Variants in UTP20 observed in about 807,000 individuals in gnomAD.
UTP20 encodes the protein UTP20 small subunit processome component, also known as small subunit processome component 20 homolog.
A neutral mutation model predicts 329.5 loss-of-function variants in UTP20; 164 were observed. The observed-to-expected ratio is 0.50, with a 90% confidence interval of 0.44 to 0.57. UTP20 has a LOEUF of 0.57. UTP20 is among the 20% of genes least tolerant of loss of function. UTP20 has a pLI of 0.00. For missense variants in UTP20, 3,055 were observed against 3,284.2 expected, an observed-to-expected ratio of 0.93 and a Z score of 1.71; for synonymous variants, 1,151 against 1,159.3, an observed-to-expected ratio of 0.99 and a Z score of 0.14.
intron 13 of UTP20, 36 bp from the exon 14 acceptor site, chr12:101,299,937 A>G: frequency 6.2e-7 from 1 of 1,612,298 alleles, no homozygotes; most frequent in Non-Finnish European, 8.5e-7. Flanking sequence ...ATTGAATGCC[A>G]GTTTGAACTT....
Position 101,363,723 on chromosome 12 carries a change from C to G in UTP20, c.5938C>G (p.Leu1980Val), listed in dbSNP as rs1415479382. Residue 1980 changes from leucine (L) to valine (V), a missense_variant, in exon 45 of 62, where the codon CTC becomes GTC. This residue lies in a region of UTP20 where 2,445 missense variants were observed against 2,575.5 expected (regional missense o/e 0.95). Transcript: ENST00000261637. Reference sequence around the variant, plus strand: ...TGTAGGAAAAGATCAGGTTACAAAACTCATCCTTCCATTAAAAGAGGTAAG... The same window carrying G: ...TGTAGGAAAAGATCAGGTTACAAAAGTCATCCTTCCATTAAAAGAGGTAAG... ...KFVGKDQVTK[L>V]ILPLKEILQN... The G allele has an allele frequency of 3.1e-6, 5 of 1,607,156 alleles. No homozygotes were observed. The highest frequency in any genetic ancestry group is 4.3e-6 in the Non-Finnish European group (5 of 1,173,734).
At chr12:101,329,500 T>A in intron 27 of UTP20, 51 bp downstream of exon 27, 9 of 1,553,996 alleles carry the variant, frequency 5.8e-6, no homozygotes, top group Non-Finnish European at 7.9e-6. Context: ...CTGATATTTC[T>A]TGGATTTTAA....
intron 23 of UTP20, among the ~76,000 whole-genome samples, chr12:101,320,619 G>A (rs973671813): frequency 2.6e-5 from 4 of 152,026 alleles, no homozygotes; most frequent in Admixed American, 2.6e-4. Flanking sequence ...CCCAGGGTAT[G>A]ACTGTGGGAT....
At chr12:101,350,055 A>G (rs1217333269) in intron 38 of UTP20, among the ~76,000 whole-genome samples, 3 of 152,182 alleles carry the variant, frequency 2.0e-5, no homozygotes, top group Admixed American at 6.5e-5. Flanking sequence ...TTTTAAAAAT[A>G]TCTTTCATGT....
At chr12:101,282,668 CT>C (rs1331059851) in intron 2 of UTP20, among the ~76,000 whole-genome samples, 1 of 152,162 alleles carries the variant, frequency 6.6e-6, no homozygotes, top group East Asian at 1.9e-4. Context: ...ATCTCTCTGG[CT>C]TTAGTGTGGA....
rs753962857 is a variant in UTP20 at position 101,293,186 on chromosome 12, GAA to G, written c.1196_1197del (p.Lys399ThrfsTer8). ...TIEKIFESRF[E>X]KRLIFSFSEV... ...GTCACAGATATTTGAGAGCAGATTTGAAAAACGTTTAATTTTCAGTTTTTCTG... is the reference window on the plus strand; with the variant it reads ...GTCACAGATATTTGAGAGCAGATTTGAAACGTTTAATTTTCAGTTTTTCTG... On this transcript the variant is annotated frameshift_variant, in exon 11 of 62. Coordinates refer to ENST00000261637, the MANE Select transcript of UTP20 (RefSeq NM_014503.3). LOFTEE classifies it high-confidence loss of function. 4 of 1,613,944 alleles carry G rather than the reference GAA, an allele frequency of 2.5e-6. No individual in the cohort carries two copies.
At chr12:101,326,980 A>G in intron 25 of UTP20, 101 bp from the exon 26 acceptor site, 1 of 1,151,586 alleles carries the variant, frequency 8.7e-7, no homozygotes, top group Non-Finnish European at 1.2e-6. Flanking sequence ...TAATATATCC[A>G]TTTAAATCTA....
intron 22 of UTP20, 24 bp from the exon 23 acceptor site, chr12:101,319,521 A>T (rs1157855581): frequency 1.9e-6 from 3 of 1,549,544 alleles, no homozygotes; most frequent in Non-Finnish European, 2.6e-6. Context: ...ATTCTGTAAC[A>T]CTCTCTGTTT....
Position 101,308,344 on chromosome 12 carries a change from G to T in UTP20, c.2154+1G>T. The T allele has an allele frequency of 6.8e-7, 1 of 1,470,528 alleles. No homozygotes were observed. The allele number at this position is 1,470,528 out of a possible 1,614,324, so 91.1% of individuals were successfully genotyped here. A position where few individuals can be genotyped will look rare whatever the true frequency, so the allele number is the denominator to read the frequency against. On this transcript the variant is annotated splice_donor_variant, in intron 18 of 61. Coordinates refer to ENST00000261637, the MANE Select transcript of UTP20 (RefSeq NM_014503.3). LOFTEE classifies it high-confidence loss of function. ...TGTCCCTGATGGGCCGTTACAGGAG[G>T]TAAAAATAGTGTTCTTTTATTTTTC...
At chr12:101,380,968 G>A (rs939884940) in intron 57 of UTP20, among the ~76,000 whole-genome samples, 172 bp from the exon 58 acceptor site, 2 of 152,076 alleles carry the variant, frequency 1.3e-5, no homozygotes, top group Admixed American at 1.3e-4. Context: ...GCAGGTAGAA[G>A]GGAGCAGTAC....
intron 31 of UTP20, among the ~76,000 whole-genome samples, chr12:101,339,680 AG>A (rs1869055943): frequency 6.6e-6 from 1 of 152,302 alleles, no homozygotes; most frequent in African/African-American, 2.4e-5. Flanking sequence ...AGATCTCACA[AG>A]GGTTGTTAAA....
intron 56 of UTP20, among the ~76,000 whole-genome samples, chr12:101,377,943 T>C (rs1870528215): frequency 6.6e-6 from 1 of 152,196 alleles, no homozygotes; most frequent in Non-Finnish European, 1.5e-5. Context: ...GGGTCTCAGC[T>C]GGGCATGGAG....
chr12:101,355,169 T>G, intron 41 of UTP20, 51 bp downstream of exon 41: 1 of 1,569,704 alleles, frequency 6.4e-7, no homozygotes, highest in Non-Finnish European at 8.6e-7. Context: ...CTGGTGTTGG[T>G]GGAGCCCTGT....
Position 101,327,128 on chromosome 12 carries a change from G to A in UTP20, c.3089G>A (p.Gly1030Glu). Residue 1030 changes from glycine to glutamate, a missense_variant, in exon 26 of 62, where the codon GGG becomes GAG. Coordinates refer to ENST00000261637, the MANE Select transcript of UTP20 (RefSeq NM_014503.3). The part of the protein sequence containing the change: ...MKNKTGSKTQ[G>E]KSASGTRMAI... ...AATAAGACTGGGAGTAAAACTCAGG[G>A]GAAATCTGCTTCAGGCACCCGCATG... 6.2e-7 allele frequency: 1 copy of A among 1,612,922 alleles called. No individual in the cohort carries two copies. Among genetic ancestry groups the A allele is most frequent in the South Asian group, 1.1e-5 (1 of 91,016 alleles).
At chr12:101,371,035 T>C (rs760451653) in intron 50 of UTP20, 23 bp from the exon 51 acceptor site, 88 of 1,606,520 alleles carry the variant, frequency 5.5e-5, no homozygotes, top group Non-Finnish European at 7.3e-5. Context: ...GAAATGAGTA[T>C]GTCTTTTCCT....
chr12:101,280,857 C>G (rs545399672), intron 1 of UTP20, among the ~76,000 whole-genome samples: 2 of 152,260 alleles, frequency 1.3e-5, no homozygotes, highest in East Asian at 3.9e-4. Flanking sequence ...GACTAATTGC[C>G]AGCATCCACC....
At chr12:101,308,503 A>G (rs1872696449) in intron 18 of UTP20, among the ~76,000 whole-genome samples, 160 bp downstream of exon 18, 1 of 152,018 alleles carries the variant, frequency 6.6e-6, no homozygotes, top group African/African-American at 2.4e-5. Flanking sequence ...TGAGTTAAAC[A>G]GCTCTACCAG....
In UTP20 at chr12:101,320,265, G is replaced by A. The variant is rs1326982487; in HGVS notation, c.2830-587G>A. 2.0e-5 allele frequency among the ~76,000 whole-genome samples: 3 copies of A among 152,038 alleles called. No homozygotes were observed. The East Asian group carries it at 5.8e-4, about 29-fold the overall frequency. ...AAATCCAGATTCACATAGAGAATCG[G>A]CCTCACCAGGCTGCACACAGTAGCT... On this transcript the variant is annotated intron_variant, in intron 23 of 61. Coordinates refer to ENST00000261637, the MANE Select transcript of UTP20 (RefSeq NM_014503.3).
rs1870570541 is a variant in UTP20 at position 101,379,291 on chromosome 12, T to C, written c.7397-80T>C. ...TCCCCACTCCAAACACATAATACTC[T>C]GTAAATGCTTAACTTAGTCATATTT... On this transcript the variant is annotated intron_variant, in intron 56 of 61. Coordinates refer to ENST00000261637, the MANE Select transcript of UTP20 (RefSeq NM_014503.3). 8.3e-6 allele frequency: 11 copies of C among 1,322,718 alleles called. No individual in the cohort carries two copies. The South Asian group carries it at 1.7e-4, about 21-fold the overall frequency. 81.9% of individuals were successfully genotyped at this position (1,322,718 alleles called of 1,614,324 possible).
Sources: allele counts gnomAD v4.1 joint callset (sites outside exome capture counted in the v4.1 genomes callset), GRCh38; gene constraint gnomAD v4.1.1; regional missense constraint gnomAD v4.1.1; transcripts MANE v1.5; gene names NCBI Gene and HGNC (gene_info 2026-07-23, HGNC 2026-07-21).